Variants in CDK15 observed in about 807,000 individuals in gnomAD.
The protein encoded by CDK15 is cyclin-dependent kinase 15.
CDK15 carries 62 observed loss-of-function variants against 60.3 expected under a neutral mutation model. That is an observed-to-expected ratio of 1.03 (90% CI 0.84 to 1.27). CDK15 has a LOEUF of 1.27. CDK15 is among the 50% of genes most tolerant of loss of function. The pLI is 0.00. For synonymous variants in CDK15, 194 were observed against 195.7 expected (o/e 0.99, Z 0.07); for missense variants, 541 against 527.8 (o/e 1.03, Z -0.25).
chr2:201,822,493 C>T (rs1055684847), intron 4 of CDK15, among the ~76,000 whole-genome samples: 1 of 152,214 alleles, frequency 6.6e-6, no homozygotes, highest in Non-Finnish European at 1.5e-5. Flanking sequence ...AGCTCTGAAG[C>T]TGGATTGATG....
chr2:201,853,427 A>C lies in CDK15; in HGVS notation c.946-1447A>C, dbSNP rs182435010. On this transcript the variant is annotated intron_variant, in intron 9 of 13. Transcript: ENST00000652192. ...AAGTACATCTCTCAGCCAGATTCCT[A>C]GTCAACAAGCTGATAGACACTAAGA... Among the ~76,000 whole-genome samples the C allele has an allele frequency of 9.8e-5, 15 of 152,330 alleles. No individual in the cohort carries two copies. The East Asian group carries it at 2.3e-3, about 23-fold the overall frequency.
intron 12 of CDK15, chr2:201,888,821 G>A: frequency 9.0e-7 from 1 of 1,107,862 alleles, no homozygotes; most frequent in South Asian, 3.3e-5. Context: ...CCCAAGGCAA[G>A]AGGATACTTC....
At chr2:201,889,437 G>A in intron 12 of CDK15, 3 of 981,182 alleles carry the variant, frequency 3.1e-6, no homozygotes, top group Non-Finnish European at 3.6e-6. Flanking sequence ...AAAACATATT[G>A]TGTATCATAA....
At chr2:201,837,303 C>CAGAGAGAGAGAGAGAG (rs112414025) in intron 8 of CDK15, among the ~76,000 whole-genome samples, 56 of 123,686 alleles carry the variant, frequency 4.5e-4, no homozygotes, top group African/African-American at 1.6e-3. Flanking sequence ...AAGAAAGAAA[C>CAGAGAGAGAGAGAGAG]AGAGAGAGAG....
chr2:201,868,545 G>GT (rs1159793664), intron 10 of CDK15, among the ~76,000 whole-genome samples: 1 of 152,140 alleles, frequency 6.6e-6, no homozygotes, highest in South Asian at 2.1e-4. Context: ...TATTTCATTG[G>GT]TTCGCTTCAG....
At position 201,895,153 on chromosome 2, in the gene CDK15, A is replaced by G. The variant is rs921940391; in HGVS notation, c.*1886A>G. The stretch of plus-strand genomic sequence containing the variant: ...GGGATTCCTCTGCCTCTCTGAAGAT[A>G]TGAGAGCTATAGGAGGGATTCCCAT... On this transcript the variant is annotated 3_prime_UTR_variant, in exon 14 of 14. Coordinates refer to ENST00000652192, the MANE Select transcript of CDK15 (RefSeq NM_001366386.2). 3.3e-5 allele frequency: 5 copies of G among 152,172 alleles called. No individual in the cohort carries two copies. The highest frequency in any genetic ancestry group is 1.2e-4 in the African/African-American group (5 of 41,440). 9.4% of individuals were successfully genotyped at this position (152,172 alleles called of 1,614,324 possible).
rs61557887 is a variant in CDK15 at position 201,856,673 on chromosome 2, T to G, written c.1009+1736T>G. On this transcript the variant is annotated intron_variant, in intron 10 of 13. Transcript: ENST00000652192. The stretch of plus-strand genomic sequence containing the variant: ...GTACTTCTCCCTGTCCACTCTGTTC[T>G]CTATTTTCCCTCAGCTTCCTAACTG... 7.2e-3 allele frequency among the ~76,000 whole-genome samples: 1,097 copies of G among 152,304 alleles called. 12 individuals carry two copies. The highest frequency in any genetic ancestry group is 0.025 in the African/African-American group (1,021 of 41,568).
chr2:201,856,154 G>A (rs974554419), intron 10 of CDK15, among the ~76,000 whole-genome samples: 7 of 152,106 alleles, frequency 4.6e-5, no homozygotes, highest in Non-Finnish European at 1.0e-4. Flanking sequence ...TTTGGTATGA[G>A]ATTATCCTGG....
rs150059535 is a variant in CDK15, at chr2:201,890,911, C to T, written c.*17C>T. On this transcript the variant is annotated 3_prime_UTR_variant, in exon 13 of 14. Coordinates refer to ENST00000652192, the MANE Select transcript of CDK15 (RefSeq NM_001366386.2). ...TGCTGGTGAAAAGAAAGGGCGAGAT[C>T]ACCAAGGTTCTTCCAGGTAAGTGGT... 26,379 of 1,581,570 alleles carry T rather than the reference C, an allele frequency of 0.017. 264 individuals are homozygous for T. The highest frequency in any genetic ancestry group is 0.019 in the Non-Finnish European group (21,978 of 1,152,452).
Position 201,843,223 on chromosome 2 carries a change from G to C in CDK15, c.852-4158G>C, listed in dbSNP as rs574123911. On this transcript the variant is annotated intron_variant, in intron 8 of 13. Transcript: ENST00000652192. ...TTTTTATTAGATGGAGTCTGGCTCT[G>C]TCGCCCAGGCTGGAGTGCAGTGGTG... 3.3e-4 allele frequency among the ~76,000 whole-genome samples: 50 copies of C among 152,230 alleles called. 1 individual carries two copies. Among genetic ancestry groups the C allele is most frequent in the African/African-American group, 1.2e-3 (48 of 41,516 alleles).
At chr2:201,859,075 C>T (rs989030721) in intron 10 of CDK15, among the ~76,000 whole-genome samples, 25 of 152,232 alleles carry the variant, frequency 1.6e-4, no homozygotes, top group African/African-American at 4.6e-4. Context: ...GCTGGCGGGC[C>T]GGGGCTGCGC....
rs1169109302 is a variant in CDK15, at chr2:201,893,771, C to A, written c.*504C>A. On this transcript the variant is annotated 3_prime_UTR_variant, in exon 14 of 14. Coordinates refer to ENST00000652192, the MANE Select transcript of CDK15 (RefSeq NM_001366386.2). Reference sequence around the variant, plus strand: ...CCTAAAGTTTAGAAAAAGATGGTTTCTTGGATAACATTGTTAACAAAAGGA... The same window carrying A: ...CCTAAAGTTTAGAAAAAGATGGTTTATTGGATAACATTGTTAACAAAAGGA... The A allele has an allele frequency of 1.3e-5, 2 of 152,120 alleles. No individual in the cohort carries two copies. The highest frequency in any genetic ancestry group is 4.8e-5 in the African/African-American group (2 of 41,416). The allele number at this position is 152,120 out of a possible 1,614,324, so 9.4% of individuals were successfully genotyped here.
intron 8 of CDK15, among the ~76,000 whole-genome samples, chr2:201,837,738 G>A (rs1272646954): frequency 6.6e-6 from 1 of 152,054 alleles, no homozygotes; most frequent in Non-Finnish European, 1.5e-5. Flanking sequence ...CAAAGGTAAG[G>A]AAATATATGA....
chr2:201,839,780 G>T (rs1435016485), intron 8 of CDK15, among the ~76,000 whole-genome samples: 5 of 152,130 alleles, frequency 3.3e-5, no homozygotes, highest in Non-Finnish European at 5.9e-5. Context: ...TTATACTGCT[G>T]CAACTTTTCT....
chr2:201,847,251 G>C (rs1697710460), intron 8 of CDK15, 130 bp from the exon 9 acceptor site: 2 of 837,522 alleles, frequency 2.4e-6, no homozygotes, highest in Admixed American at 6.2e-5. Context: ...TTTGGCCCAA[G>C]ACTTTTAATA....
At chr2:201,822,357 T>C (rs957930005) in intron 4 of CDK15, among the ~76,000 whole-genome samples, 2 of 152,230 alleles carry the variant, frequency 1.3e-5, no homozygotes, top group South Asian at 4.1e-4. Flanking sequence ...ACCGGCCCTA[T>C]TGACCGCTTG....
rs1034711657 is a variant in CDK15, at chr2:201,895,056, G to C, written c.*1789G>C. 6.6e-6 allele frequency: 1 copy of C among 152,218 alleles called. No homozygotes were observed. The highest frequency in any genetic ancestry group is 2.4e-5 in the African/African-American group (1 of 41,458). The allele number at this position is 152,218 out of a possible 1,614,324, so 9.4% of individuals were successfully genotyped here. A position where few individuals can be genotyped will look rare whatever the true frequency, so the allele number is the denominator to read the frequency against. On this transcript the variant is annotated 3_prime_UTR_variant, in exon 14 of 14. Transcript: ENST00000652192. ...CAATCGAAAGCTCAGGGATGCTACT[G>C]TTGACGCATCAGCAAGAGTTCTTGA...
intron 8 of CDK15, among the ~76,000 whole-genome samples, chr2:201,838,894 T>C (rs980914289): frequency 1.3e-5 from 2 of 152,206 alleles, no homozygotes; most frequent in African/African-American, 2.4e-5. Flanking sequence ...ATAATCCTTT[T>C]ACATTTTAGA....
At chr2:201,846,094 A>C (rs1399167976) in intron 8 of CDK15, among the ~76,000 whole-genome samples, 2 of 152,150 alleles carry the variant, frequency 1.3e-5, no homozygotes, top group Non-Finnish European at 2.9e-5. Context: ...TTAAATCAGG[A>C]TGCACCTTAT....
Sources: gnomAD v4.1 joint callset for allele counts (sites outside exome capture counted in the v4.1 genomes callset) on GRCh38, gnomAD v4.1.1 for gene constraint, MANE v1.5 for transcripts, NCBI Gene and HGNC (gene_info 2026-07-23, HGNC 2026-07-21) for gene names.